Variants in CALN1 observed in about 807,000 individuals in gnomAD.
CALN1 encodes calcium-binding protein 8.
Under a neutral mutation model 30.6 loss-of-function variants are expected in CALN1, and 17 were observed. The observed-to-expected ratio is 0.56, with a 90% CI of 0.38 to 0.83. CALN1 has a LOEUF of 0.83. Ranked by LOEUF, CALN1 falls within the 40% of genes least tolerant of loss-of-function variation. The pLI is 0.00. For missense variants in CALN1, 291 were observed against 354.9 expected, an observed-to-expected ratio of 0.82 and a Z score of 1.45; for synonymous variants, 156 against 131.4, an observed-to-expected ratio of 1.19 and a Z score of -1.28.
At chr7:71,930,786 C>T (rs189263416) in intron 5 of CALN1, among the ~76,000 whole-genome samples, 6 of 152,320 alleles carry the variant, frequency 3.9e-5, no homozygotes, top group African/African-American at 7.2e-5. Flanking sequence ...AACTCTTCTG[C>T]GCTTCTCACA....
intron 5 of CALN1, among the ~76,000 whole-genome samples, chr7:71,979,077 G>A (rs115396954): frequency 0.017 from 2,551 of 152,130 alleles, 73 homozygotes; most frequent in African/African-American, 0.057. Context: ...CTGAGGTCAG[G>A]CAAGCCTACT....
intron 2 of CALN1, among the ~76,000 whole-genome samples, chr7:72,323,949 C>A (rs1041469276): frequency 6.6e-6 from 1 of 151,856 alleles, no homozygotes; most frequent in Non-Finnish European, 1.5e-5. Context: ...GAGGCTGAGG[C>A]AGGAGGATCA....
At chr7:72,379,973 C>T (rs1365019819) in intron 2 of CALN1, among the ~76,000 whole-genome samples, 1 of 152,218 alleles carries the variant, frequency 6.6e-6, no homozygotes, top group East Asian at 1.9e-4. Flanking sequence ...ACAACTCTTA[C>T]CATGCAAGAA....
chr7:71,864,235 G>C (rs1312821683), intron 5 of CALN1, among the ~76,000 whole-genome samples: 1 of 152,160 alleles, frequency 6.6e-6, no homozygotes, highest in Non-Finnish European at 1.5e-5. Flanking sequence ...TTGAGGATGG[G>C]ATATCACTCC....
intron 4 of CALN1, among the ~76,000 whole-genome samples, chr7:72,051,203 T>C (rs1228723411): frequency 6.6e-6 from 1 of 151,792 alleles, no homozygotes; most frequent in Non-Finnish European, 1.5e-5. Flanking sequence ...AAGAGAGTTA[T>C]TTGAGAAAAC....
chr7:71,868,516 T>G (rs1341557926), intron 5 of CALN1, among the ~76,000 whole-genome samples: 1 of 151,868 alleles, frequency 6.6e-6, no homozygotes, highest in African/African-American at 2.4e-5. Flanking sequence ...GGATTACAGA[T>G]GTCCGCCACC....
At chr7:72,198,685 C>T (rs150265170) in intron 3 of CALN1, among the ~76,000 whole-genome samples, 2 of 152,242 alleles carry the variant, frequency 1.3e-5, no homozygotes, top group Non-Finnish European at 2.9e-5. Context: ...AAAGGGATTA[C>T]TAAAGGATTC....
chr7:72,393,776 G>A (rs895633858), intron 2 of CALN1, among the ~76,000 whole-genome samples: 3 of 142,050 alleles, frequency 2.1e-5, no homozygotes, highest in Non-Finnish European at 4.5e-5. Context: ...TTGAGACAGA[G>A]TCTCGCTCTG....
At chr7:71,920,874 TA>T (rs905965100) in intron 5 of CALN1, among the ~76,000 whole-genome samples, 1 of 152,170 alleles carries the variant, frequency 6.6e-6, no homozygotes, top group African/African-American at 2.4e-5. Context: ...CAAAAGATTA[TA>T]AATCATTCTA....
At chr7:71,827,564 A>G (rs897590422) in intron 5 of CALN1, among the ~76,000 whole-genome samples, 4 of 152,044 alleles carry the variant, frequency 2.6e-5, no homozygotes, top group African/African-American at 9.7e-5. Context: ...GGAGGTCGGG[A>G]GTTCGAGACA....
At chr7:72,229,150 G>A (rs1585216919) in intron 3 of CALN1, among the ~76,000 whole-genome samples, 2 of 152,096 alleles carry the variant, frequency 1.3e-5, no homozygotes, top group South Asian at 4.1e-4. Flanking sequence ...GCTGGGTGCT[G>A]TGGGAGGCAG....
intron 3 of CALN1, among the ~76,000 whole-genome samples, chr7:72,111,259 A>G (rs860007): frequency 0.75 from 113,357 of 151,890 alleles, 42,544 homozygotes; most frequent in East Asian, 0.97. Flanking sequence ...GAGTATGAAA[A>G]GACACGTGGC....
chr7:72,365,309 G>A (rs1193253057), intron 2 of CALN1, among the ~76,000 whole-genome samples: 3 of 151,888 alleles, frequency 2.0e-5, no homozygotes, highest in African/African-American at 7.3e-5. Flanking sequence ...CTCCAGCCTG[G>A]GTGACAGAGC....
intron 1 of CALN1, among the ~76,000 whole-genome samples, chr7:72,439,796 C>A (rs1276591586): frequency 6.6e-6 from 1 of 152,030 alleles, no homozygotes; most frequent in Admixed American, 6.6e-5. Context: ...CCAGGCTGGT[C>A]TTGAACTCCT....
intron 5 of CALN1, among the ~76,000 whole-genome samples, chr7:71,846,859 T>C (rs1195037000): frequency 7.2e-6 from 1 of 137,936 alleles, no homozygotes; most frequent in Admixed American, 7.2e-5. Flanking sequence ...TATATGTATA[T>C]ATGTATGTAT....
the CALN1 span, among the ~76,000 whole-genome samples, chr7:72,483,394 C>G: frequency 6.6e-6 from 1 of 150,728 alleles, no homozygotes; most frequent in Non-Finnish European, 1.5e-5. Flanking sequence ...AAGTGATTCT[C>G]CTATCTCAGC....
intron 3 of CALN1, among the ~76,000 whole-genome samples, chr7:72,227,865 A>G (rs1562767638): frequency 6.6e-6 from 1 of 151,976 alleles, no homozygotes; most frequent in African/African-American, 2.4e-5. Flanking sequence ...AACCCAGGAG[A>G]GCGTTCCCCA....
chr7:72,453,993 A>AATATATATATATATATAT, the CALN1 span, among the ~76,000 whole-genome samples: 34 of 148,132 alleles, frequency 2.3e-4, no homozygotes, highest in African/African-American at 7.2e-4. Flanking sequence ...ACAACCAAAA[A>AATATATATATATATATAT]ATATATATAT....
At chr7:72,487,077 G>A in the CALN1 span, among the ~76,000 whole-genome samples, 2 of 152,048 alleles carry the variant, frequency 1.3e-5, no homozygotes, top group African/African-American at 4.8e-5. Context: ...TGGAGATAGG[G>A]TCTTGTTCTG....
Sources: gnomAD v4.1 joint callset for allele counts (sites outside exome capture counted in the v4.1 genomes callset) on GRCh38, gnomAD v4.1.1 for gene constraint, MANE v1.5 for transcripts, NCBI Gene and HGNC (gene_info 2026-07-23, HGNC 2026-07-21) for gene names.